MALRD1: variants seen among roughly 807,000 people sequenced by gnomAD.
MALRD1 encodes MAM and LDL-receptor class A domain-containing protein 1.
Under a neutral mutation model 242.1 loss-of-function variants are expected in MALRD1, and 247 were observed. That is an observed-to-expected ratio of 1.02 (90% confidence interval 0.92 to 1.13). The LOEUF (loss-of-function observed/expected upper bound fraction) is 1.13, where lower values mean the gene tolerates loss of function less well. MALRD1 is among the 50% of genes most tolerant of loss of function. The pLI, the probability that MALRD1 is intolerant of heterozygous loss-of-function variation, is 0.00. For synonymous variants in MALRD1, 995 were observed against 866.6 expected, an observed-to-expected ratio of 1.15 and a Z score of -2.60; for missense variants, 2,989 against 2,533.1, an observed-to-expected ratio of 1.18 and a Z score of -3.86.
chr10:19,162,799 A>G (rs7912224), intron 12 of MALRD1, among the ~76,000 whole-genome samples: 8,212 of 152,094 alleles, frequency 0.054, 270 homozygotes, highest in Middle Eastern at 0.075. Context: ...CCACCCAGCA[A>G]TCCCATTACT....
At chr10:19,448,421 T>C (rs1835123385) in intron 28 of MALRD1, among the ~76,000 whole-genome samples, 1 of 150,962 alleles carries the variant, frequency 6.6e-6, no homozygotes, top group Non-Finnish European at 1.5e-5. Context: ...ATAAACATAA[T>C]AGTGTGTATA....
At position 19,705,156 on chromosome 10, in the gene MALRD1, A is replaced by T. The variant is rs141328480; in HGVS notation, c.6314+12602A>T. Among the ~76,000 whole-genome samples the T allele has an allele frequency of 7.5e-4, 114 of 152,312 alleles. 1 individual carries two copies. The highest frequency in any genetic ancestry group is 2.7e-3 in the African/African-American group (113 of 41,568). ...ACCCTTTCTCACTGCAAACATTTGTATGATAATGTGAATCCTTGAAGGCAG... is the reference window on the plus strand; with the variant it reads ...ACCCTTTCTCACTGCAAACATTTGTTTGATAATGTGAATCCTTGAAGGCAG... On this transcript the variant is annotated intron_variant, in intron 38 of 39. Coordinates refer to ENST00000454679, the MANE Select transcript of MALRD1 (RefSeq NM_001142308.3).
chr10:19,275,579 G>C (rs1016401589), intron 19 of MALRD1, among the ~76,000 whole-genome samples: 1 of 152,192 alleles, frequency 6.6e-6, no homozygotes, highest in Non-Finnish European at 1.5e-5. Context: ...TGAGGCAGGA[G>C]AATGGTGTGA....
chr10:19,414,948 T>A (rs182495512), intron 28 of MALRD1, among the ~76,000 whole-genome samples: 81 of 152,330 alleles, frequency 5.3e-4, no homozygotes, highest in African/African-American at 1.4e-3. Flanking sequence ...GATCTTATTT[T>A]CCATAAAATC....
chr10:19,124,620 T>TC lies in MALRD1; in HGVS notation c.896dup (p.Ala300CysfsTer13), dbSNP rs1837187149. ...TGGATGCGCACAAAAGCGAGAGAGA[T>TC]CCCTGCATTCGAATCCACACCTCAG... On this transcript the variant is annotated frameshift_variant, in exon 7 of 40. Transcript: ENST00000454679. LOFTEE classifies it high-confidence loss of function. 1.6e-6 allele frequency: 2 copies of TC among 1,233,606 alleles called. No individual in the cohort carries two copies. Among genetic ancestry groups the TC allele is most frequent in the African/African-American group, 3.1e-5 (2 of 64,422 alleles). The allele number at this position is 1,233,606 out of a possible 1,614,324, so 76.4% of individuals were successfully genotyped here.
At chr10:19,587,734 A>T (rs1453078265) in intron 33 of MALRD1, among the ~76,000 whole-genome samples, 1 of 152,172 alleles carries the variant, frequency 6.6e-6, no homozygotes. Flanking sequence ...AGTGAAGTGG[A>T]GTATGGTAAT....
chr10:19,415,094 A>G (rs1258442608), intron 28 of MALRD1, among the ~76,000 whole-genome samples: 1 of 152,224 alleles, frequency 6.6e-6, no homozygotes, highest in African/African-American at 2.4e-5. Flanking sequence ...AAATTAAAAC[A>G]ATAGGTATAG....
At chr10:19,583,237 C>G (rs1462428786) in intron 33 of MALRD1, among the ~76,000 whole-genome samples, 4 of 149,844 alleles carry the variant, frequency 2.7e-5, no homozygotes, top group South Asian at 2.1e-4. Context: ...CCTAATTGCC[C>G]TGGCCAGAAC....
chr10:19,622,014 T>C (rs1839425731), intron 36 of MALRD1, among the ~76,000 whole-genome samples: 1 of 151,856 alleles, frequency 6.6e-6, no homozygotes, highest in Non-Finnish European at 1.5e-5. Context: ...GATGGATTTT[T>C]TTAAGTATGG....
chr10:19,310,981 G>C lies in MALRD1; in HGVS notation c.3420-12968G>C, dbSNP rs150914620. Among the ~76,000 whole-genome samples, 446 of 151,512 alleles carry C rather than the reference G, an allele frequency of 2.9e-3. 1 individual carries two copies. The highest frequency in any genetic ancestry group is 0.01 in the African/African-American group (428 of 41,422). On this transcript the variant is annotated intron_variant, in intron 21 of 39. Coordinates refer to ENST00000454679, the MANE Select transcript of MALRD1 (RefSeq NM_001142308.3). ...TTAGTCAACATCTATTTTAGTGCTC[G>C]TCTCAGATTAGGCCATGAGAAGAGA... is the stretch of plus-strand genomic sequence containing the variant.
intron 32 of MALRD1, among the ~76,000 whole-genome samples, chr10:19,541,142 T>A (rs1051014232): frequency 2.0e-5 from 3 of 152,244 alleles, no homozygotes; most frequent in Admixed American, 2.0e-4. Context: ...TCTAAATTTA[T>A]TCATTTTCAA....
chr10:19,291,850 T>C (rs1405223138), intron 21 of MALRD1, among the ~76,000 whole-genome samples: 2 of 151,960 alleles, frequency 1.3e-5, no homozygotes, highest in Non-Finnish European at 1.5e-5. Context: ...TTTGGGAGGC[T>C]GAGGCGGGTG....
intron 28 of MALRD1, among the ~76,000 whole-genome samples, chr10:19,409,207 T>A (rs935144326): frequency 6.6e-6 from 1 of 152,148 alleles, no homozygotes; most frequent in African/African-American, 2.4e-5. Context: ...AAAAATCAGA[T>A]TGACTGAAAG....
chr10:19,119,170 C>A (rs886218410), intron 5 of MALRD1, among the ~76,000 whole-genome samples: 1 of 151,938 alleles, frequency 6.6e-6, no homozygotes, highest in Non-Finnish European at 1.5e-5. Context: ...CATGGAAGAC[C>A]CCAAATTTCT....
chr10:19,073,445 A>G (rs998764383), intron 2 of MALRD1, among the ~76,000 whole-genome samples: 1 of 152,090 alleles, frequency 6.6e-6, no homozygotes, highest in South Asian at 2.1e-4. Context: ...CTGAAATCCA[A>G]AGTGCTCCGA....
Position 19,237,857 on chromosome 10 carries a change from A to T in MALRD1, c.2992-19827A>T, listed in dbSNP as rs532881755. On this transcript the variant is annotated intron_variant, in intron 18 of 39. Coordinates refer to ENST00000454679, the MANE Select transcript of MALRD1 (RefSeq NM_001142308.3). ...TAATTATATATAATTATATAGTTATATATAATTATATAGAATTTTATATAG... is the reference window on the plus strand; with the variant it reads ...TAATTATATATAATTATATAGTTATTTATAATTATATAGAATTTTATATAG... 1.5e-3 allele frequency among the ~76,000 whole-genome samples: 188 copies of T among 128,088 alleles called. 1 individual carries two copies. Among genetic ancestry groups the T allele is most frequent in the African/African-American group, 5.4e-3 (179 of 33,388 alleles). The allele number at this position is 128,088 out of a possible 152,430, so 84.0% of individuals were successfully genotyped here. A position where few individuals can be genotyped will look rare whatever the true frequency, so the allele number is the denominator to read the frequency against.
chr10:19,699,586 A>G (rs1292105054), intron 38 of MALRD1, among the ~76,000 whole-genome samples: 3 of 152,104 alleles, frequency 2.0e-5, no homozygotes, highest in Non-Finnish European at 4.4e-5. Context: ...TGCTACAAAG[A>G]CATACCTGAA....
At chr10:19,530,913 A>T (rs745652940) in intron 31 of MALRD1, among the ~76,000 whole-genome samples, 5 of 152,176 alleles carry the variant, frequency 3.3e-5, no homozygotes, top group Non-Finnish European at 7.4e-5. Context: ...GGTTTAAGCA[A>T]ATTAGGAGAA....
At chr10:19,410,209 G>T (rs1361507525) in intron 28 of MALRD1, among the ~76,000 whole-genome samples, 6 of 151,948 alleles carry the variant, frequency 3.9e-5, no homozygotes, top group Admixed American at 1.3e-4. Context: ...TATTATTTTT[G>T]TACTTTATGC....
Sources: allele counts gnomAD v4.1 joint callset (sites outside exome capture counted in the v4.1 genomes callset), GRCh38; gene constraint gnomAD v4.1.1; transcripts MANE v1.5; gene names NCBI Gene and HGNC (gene_info 2026-07-23, HGNC 2026-07-21).